CAST: variants seen among roughly 807,000 people sequenced by gnomAD.
CAST encodes the protein calpastatin.
CAST carries 76 observed loss-of-function variants against 119.6 expected under a neutral mutation model. The observed-to-expected ratio is 0.64, with a 90% CI of 0.53 to 0.77. The LOEUF (loss-of-function observed/expected upper bound fraction) is 0.77. CAST is among the 30% of genes least tolerant of loss of function. CAST has a pLI of 0.00. For missense variants in CAST, 953 were observed against 946.5 expected, an observed-to-expected ratio of 1.01 and a Z score of -0.09; for synonymous variants, 319 against 331.6, an observed-to-expected ratio of 0.96 and a Z score of 0.41.
chr5:96,170,291 C>T, the CAST span, among the ~76,000 whole-genome samples: 26 of 152,160 alleles, frequency 1.7e-4, no homozygotes, highest in Non-Finnish European at 3.7e-4. Flanking sequence ...GGAGGAATCC[C>T]GGGCTGCCGG....
chr5:96,541,351 G>A (rs551455251), intron 1 of CAST, among the ~76,000 whole-genome samples: 1 of 151,510 alleles, frequency 6.6e-6, no homozygotes, highest in South Asian at 2.1e-4. Context: ...AAAAATTTGA[G>A]CACTTCTTTG....
At chr5:96,647,694 A>G (rs1748033360) in intron 1 of CAST, among the ~76,000 whole-genome samples, 1 of 152,190 alleles carries the variant, frequency 6.6e-6, no homozygotes, top group Non-Finnish European at 1.5e-5. Context: ...TGAGGCACAC[A>G]CCGGGAGAAC....
chr5:96,741,221 T>A (rs771650531), intron 13 of CAST, 45 bp from the exon 14 acceptor site: 47 of 1,023,458 alleles, frequency 4.6e-5, no homozygotes, highest in Non-Finnish European at 6.9e-5. Flanking sequence ...TTCTTCCACT[T>A]GAGTGCTTCC....
At chr5:96,089,447 A>G in the CAST span, among the ~76,000 whole-genome samples, 1 of 152,254 alleles carries the variant, frequency 6.6e-6, no homozygotes, top group South Asian at 2.1e-4. Flanking sequence ...AGGATGGAAA[A>G]CAATTTAACA....
At chr5:96,491,490 C>CAAAA in the CAST span, among the ~76,000 whole-genome samples, 1,221 of 56,666 alleles carry the variant, frequency 0.022, 165 homozygotes, top group Non-Finnish European at 0.032. Flanking sequence ...GACTCCATCT[C>CAAAA]AAAAAAAAAA....
chr5:96,412,750 A>ATTTTTTTTTTTTTTTTT, the CAST span, among the ~76,000 whole-genome samples: 4 of 63,408 alleles, frequency 6.3e-5, no homozygotes, highest in African/African-American at 3.2e-4. Flanking sequence ...GGCAGCTGTG[A>ATTTTTTTTTTTTTTTTT]TGTTTTTTTT....
At chr5:96,322,109 C>A in the CAST span, among the ~76,000 whole-genome samples, 8 of 152,152 alleles carry the variant, frequency 5.3e-5, no homozygotes, top group African/African-American at 1.9e-4. Flanking sequence ...TGTGCAGTAT[C>A]CATAGAAGGG....
chr5:96,745,638 G>A (rs560652189), intron 16 of CAST, among the ~76,000 whole-genome samples: 1 of 152,266 alleles, frequency 6.6e-6, no homozygotes, highest in South Asian at 2.1e-4. Flanking sequence ...CCCACCAGCA[G>A]GTTAAATTGC....
intron 20 of CAST, among the ~76,000 whole-genome samples, 192 bp from the exon 21 acceptor site, chr5:96,753,863 TTAATA>T (rs1765710430): frequency 6.6e-6 from 1 of 152,232 alleles, no homozygotes. Flanking sequence ...CACACAATGT[TTAATA>T]TAAGAAATTT....
chr5:96,416,914 CT>C, the CAST span, among the ~76,000 whole-genome samples: 1 of 152,190 alleles, frequency 6.6e-6, no homozygotes, highest in Non-Finnish European at 1.5e-5. Flanking sequence ...TGATAATTGT[CT>C]TTTCCCACCA....
chr5:96,535,314 A>T (rs961420101), intron 1 of CAST, among the ~76,000 whole-genome samples: 5 of 152,250 alleles, frequency 3.3e-5, no homozygotes, highest in Non-Finnish European at 7.3e-5. Flanking sequence ...TGAAAGCATA[A>T]GGAAGAGGGA....
chr5:96,435,358 A>G, the CAST span, among the ~76,000 whole-genome samples: 1 of 152,350 alleles, frequency 6.6e-6, no homozygotes, highest in Admixed American at 6.5e-5. Flanking sequence ...CAAAAAGAAG[A>G]TAATATCCTC....
the CAST span, among the ~76,000 whole-genome samples, chr5:96,468,616 T>A: frequency 6.6e-6 from 1 of 152,130 alleles, no homozygotes; most frequent in Admixed American, 6.6e-5. Flanking sequence ...CAGAGCAGTA[T>A]GTCAGATAAA....
intron 1 of CAST, among the ~76,000 whole-genome samples, chr5:96,591,258 T>A (rs956711746): frequency 3.3e-5 from 5 of 152,094 alleles, no homozygotes; most frequent in Admixed American, 3.3e-4. Flanking sequence ...AAGCACAAAG[T>A]TTGAGGATGG....
intron 1 of CAST, among the ~76,000 whole-genome samples, chr5:96,621,305 A>G (rs1363167297): frequency 6.6e-6 from 1 of 152,244 alleles, no homozygotes; most frequent in East Asian, 1.9e-4. Context: ...ATATAAAATC[A>G]TAGCAATTTA....
the CAST span, among the ~76,000 whole-genome samples, chr5:96,105,259 C>T: frequency 6.6e-6 from 1 of 152,182 alleles, no homozygotes; most frequent in Non-Finnish European, 1.5e-5. Flanking sequence ...CTGACCAGAG[C>T]TTCCAACACT....
chr5:96,700,730 G>A (rs925889240), intron 3 of CAST, among the ~76,000 whole-genome samples: 1 of 152,102 alleles, frequency 6.6e-6, no homozygotes. Flanking sequence ...CGGGGTGGGG[G>A]AAGAGCCCAG....
chr5:96,537,444 T>A (rs1745840489), intron 1 of CAST, among the ~76,000 whole-genome samples: 1 of 152,248 alleles, frequency 6.6e-6, no homozygotes, highest in African/African-American at 2.4e-5. Context: ...AAAAACCATC[T>A]AATTTGTATT....
At chr5:96,069,794 C>G in the CAST span, among the ~76,000 whole-genome samples, 1 of 151,590 alleles carries the variant, frequency 6.6e-6, no homozygotes, top group Non-Finnish European at 1.5e-5. Context: ...AGCCACCACA[C>G]CCAGCCTATC....
Sources: allele counts gnomAD v4.1 joint callset (sites outside exome capture counted in the v4.1 genomes callset), GRCh38; gene constraint gnomAD v4.1.1; transcripts MANE v1.5; gene names NCBI Gene and HGNC (gene_info 2026-07-23, HGNC 2026-07-21).